The following ZMYND12 variants were observed in gnomAD, a reference collection of about 807,000 sequenced individuals.
ZMYND12 encodes the protein zinc finger MYND-type containing 12, also known as zinc finger MYND domain-containing protein 12.
A neutral mutation model predicts 41.7 loss-of-function variants in ZMYND12; 32 were observed. That is an observed-to-expected ratio of 0.77 (90% CI 0.58 to 1.03). The LOEUF (loss-of-function observed/expected upper bound fraction) is 1.03. Among genes scored for constraint, ZMYND12 ranks in the 50% least tolerant of loss-of-function variants. The probability of loss-of-function intolerance (pLI) is 0.00; values close to 1 mark genes in which losing one functional copy is unlikely to be tolerated. For missense variants in ZMYND12, 424 were observed against 438.5 expected (o/e 0.97, Z 0.30); for synonymous variants, 148 against 164.8 (o/e 0.90, Z 0.78).
At chr1:42,451,599 T>G (rs1449434723) in intron 1 of ZMYND12, among the ~76,000 whole-genome samples, 1 of 152,228 alleles carries the variant, frequency 6.6e-6, no homozygotes, top group African/African-American at 2.4e-5. Flanking sequence ...TATATAGCCA[T>G]GTTCAAGCAC....
At chr1:42,437,234 G>A (rs1251169434) in intron 4 of ZMYND12, among the ~76,000 whole-genome samples, 3 of 152,190 alleles carry the variant, frequency 2.0e-5, no homozygotes, top group African/African-American at 7.2e-5. Flanking sequence ...TCCTGAGAAG[G>A]CAAATTTGTA....
intron 1 of ZMYND12, among the ~76,000 whole-genome samples, chr1:42,450,374 A>G (rs1643071025): frequency 6.6e-6 from 1 of 152,200 alleles, no homozygotes; most frequent in South Asian, 2.1e-4. Context: ...CAAGGTTGGT[A>G]GTAATGTCCT....
At chr1:42,448,762 T>C in intron 2 of ZMYND12, 124 bp from the exon 3 acceptor site, 2 of 887,122 alleles carry the variant, frequency 2.3e-6, no homozygotes, top group Non-Finnish European at 3.3e-6. Context: ...TGAGCCTGCC[T>C]GTATTAGAGT....
chr1:42,435,757 C>T (rs756895833), intron 5 of ZMYND12, among the ~76,000 whole-genome samples: 1 of 152,226 alleles, frequency 6.6e-6, no homozygotes, highest in Admixed American at 6.5e-5. Flanking sequence ...AGATCACACA[C>T]GACTTCTGGT....
intron 6 of ZMYND12, among the ~76,000 whole-genome samples, chr1:42,434,667 A>G (rs1184324225): frequency 1.3e-5 from 2 of 149,882 alleles, no homozygotes; most frequent in Non-Finnish European, 3.0e-5. Context: ...TAGGATGTAC[A>G]CTCCTTATGA....
chr1:42,448,185 TC>T (rs1643042887), intron 3 of ZMYND12, among the ~76,000 whole-genome samples: 1 of 152,154 alleles, frequency 6.6e-6, no homozygotes, highest in African/African-American at 2.4e-5. Flanking sequence ...CGAAAGGCAC[TC>T]CAATTCTAGT....
In ZMYND12 at chr1:42,455,966, T is replaced by C. The variant is rs776156965; in HGVS notation, c.32A>G (p.Lys11Arg). 3 of 1,613,520 alleles carry C rather than the reference T, an allele frequency of 1.9e-6. No individual in the cohort carries two copies. The highest frequency in any genetic ancestry group is 3.3e-5 in the Admixed American group (2 of 60,018). Residue 11 changes from lysine (K) to arginine (R), a missense_variant, in exon 1 of 8, where the codon AAG becomes AGG. Physicochemically the swap from Lys to Arg is conservative, Grantham distance 26 (BLOSUM62 2). Coordinates refer to ENST00000372565, the MANE Select transcript of ZMYND12 (RefSeq NM_032257.5). MNVIYPLAVP[K>R]GRRLCCEVCE... is the part of the protein sequence containing the mutation. ...CACCTCACAGCAGAGTCTGCGCCCC[T>C]TGGGGACTGCCAGTGGGTAGATCAC...
intron 4 of ZMYND12, among the ~76,000 whole-genome samples, chr1:42,437,235 C>T (rs10890197): frequency 0.12 from 17,731 of 152,074 alleles, 1,246 homozygotes; most frequent in East Asian, 0.22. Flanking sequence ...CCTGAGAAGG[C>T]AAATTTGTAG....
At chr1:42,435,961 T>C (rs1205624320) in intron 5 of ZMYND12, among the ~76,000 whole-genome samples, 1 of 152,258 alleles carries the variant, frequency 6.6e-6, no homozygotes, top group Non-Finnish European at 1.5e-5. Flanking sequence ...TGGATACAGC[T>C]GACATTTTAA....
rs1642950363 is a variant in ZMYND12, at chr1:42,439,927, G to A, written c.523C>T (p.His175Tyr). ...DCSNATHSLLHRNLGLLYIAK... is the reference protein window; with the variant it reads ...DCSNATHSLLYRNLGLLYIAK... ...ATATAGAGAAGTCCCAGATTCCGAT[G>A]CAGTAAAGAGTGGGTGGCATTACTA... The change falls in exon 4 of 8, where the codon CAT becomes TAT. Residue 175 changes from histidine to tyrosine, a missense_variant. His to Tyr is a moderately conservative substitution (Grantham distance 83, BLOSUM62 2). Coordinates refer to ENST00000372565, the MANE Select transcript of ZMYND12 (RefSeq NM_032257.5). 1 of 1,614,158 alleles carries A rather than the reference G, an allele frequency of 6.2e-7. No homozygotes were observed. The highest frequency in any genetic ancestry group is 1.1e-5 in the South Asian group (1 of 91,078).
At chr1:42,439,829 A>G (rs769775219) in intron 4 of ZMYND12, 27 bp downstream of exon 4, 1 of 1,576,858 alleles carries the variant, frequency 6.3e-7, no homozygotes, top group Non-Finnish European at 8.6e-7. Context: ...TTGGAAATAT[A>G]CAGGTGTTAT....
chr1:42,433,772 G>C (rs940490254), intron 6 of ZMYND12, among the ~76,000 whole-genome samples: 1 of 152,164 alleles, frequency 6.6e-6, no homozygotes, highest in African/African-American at 2.4e-5. Context: ...CAACCTTCAT[G>C]CTTCCCTCTG....
intron 7 of ZMYND12, among the ~76,000 whole-genome samples, chr1:42,431,254 C>T (rs1642845762): frequency 6.6e-6 from 1 of 152,122 alleles, no homozygotes; most frequent in Admixed American, 6.5e-5. Flanking sequence ...GAAAGAGGCT[C>T]CCCTTTCTTC....
chr1:42,452,103 C>G (rs1307706532), intron 1 of ZMYND12, among the ~76,000 whole-genome samples: 1 of 152,198 alleles, frequency 6.6e-6, no homozygotes, highest in East Asian at 1.9e-4. Context: ...GGCATTCATT[C>G]TACAATTCAC....
At chr1:42,447,095 G>A (rs1036339394) in intron 3 of ZMYND12, among the ~76,000 whole-genome samples, 6 of 152,140 alleles carry the variant, frequency 3.9e-5, no homozygotes, top group South Asian at 2.1e-4. Context: ...TTCAAAGGAC[G>A]TATCCATGAA....
At chr1:42,453,286 T>C (rs1469533348) in intron 1 of ZMYND12, among the ~76,000 whole-genome samples, 2 of 152,174 alleles carry the variant, frequency 1.3e-5, no homozygotes, top group Non-Finnish European at 2.9e-5. Flanking sequence ...GCATAGAAGA[T>C]GATAATTTAT....
chr1:42,444,390 C>T (rs987584475), intron 3 of ZMYND12, among the ~76,000 whole-genome samples: 1 of 152,190 alleles, frequency 6.6e-6, no homozygotes, highest in Non-Finnish European at 1.5e-5. Flanking sequence ...AACATGTGCA[C>T]AGGAAAGTGA....
At chr1:42,434,196 T>C (rs188284761) in intron 6 of ZMYND12, among the ~76,000 whole-genome samples, 3 of 152,300 alleles carry the variant, frequency 2.0e-5, no homozygotes, top group Admixed American at 6.5e-5. Flanking sequence ...ATGTCTCTTT[T>C]GAGCAGAAAC....
chr1:42,454,968 A>G (rs1557772998), intron 1 of ZMYND12, among the ~76,000 whole-genome samples: 1 of 152,238 alleles, frequency 6.6e-6, no homozygotes, highest in Non-Finnish European at 1.5e-5. Flanking sequence ...CAATTCAGGT[A>G]GGATTAACCT....
Sources: gnomAD v4.1 joint callset for allele counts (sites outside exome capture counted in the v4.1 genomes callset) on GRCh38, gnomAD v4.1.1 for gene constraint, MANE v1.5 for transcripts, NCBI Gene and HGNC (gene_info 2026-07-23, HGNC 2026-07-21) for gene names.